The following ZNF827 variants were observed in gnomAD, a reference collection of about 807,000 sequenced individuals.
ZNF827 encodes zinc finger protein 827.
ZNF827 carries 13 observed loss-of-function variants against 102.4 expected under a neutral mutation model. That is an observed-to-expected ratio of 0.13 (90% CI 0.08 to 0.20). The LOEUF (loss-of-function observed/expected upper bound fraction) is 0.20. ZNF827 is among the 10% of genes least tolerant of loss of function. The pLI is 1.00. For synonymous variants in ZNF827, 523 were observed against 536.2 expected (o/e 0.98, Z 0.34); for missense variants, 1,103 against 1,344.4 (o/e 0.82, Z 2.81).
At chr4:145,779,645 T>A in intron 8 of ZNF827, 134 bp from the exon 9 acceptor site, 1 of 1,240,960 alleles carries the variant, frequency 8.1e-7, no homozygotes, top group Non-Finnish European at 1.1e-6. Flanking sequence ...TCTCCGTAAC[T>A]GGTTTTCCTG....
At chr4:145,883,778 C>A (rs1005070294) in intron 4 of ZNF827, among the ~76,000 whole-genome samples, 1 of 152,092 alleles carries the variant, frequency 6.6e-6, no homozygotes, top group Non-Finnish European at 1.5e-5. Context: ...CCTTTCTAAG[C>A]TATGTGATGT....
intron 5 of ZNF827, among the ~76,000 whole-genome samples, chr4:145,854,936 G>A (rs1746915228): frequency 6.6e-6 from 1 of 152,160 alleles, no homozygotes; most frequent in Non-Finnish European, 1.5e-5. Context: ...TCTCAGGGGA[G>A]TGCTTAGTTC....
At chr4:145,932,586 T>C (rs1461887917) in intron 1 of ZNF827, among the ~76,000 whole-genome samples, 1 of 152,028 alleles carries the variant, frequency 6.6e-6, no homozygotes, top group Non-Finnish European at 1.5e-5. Flanking sequence ...GCCATTCTCC[T>C]GCCTCAGCCT....
intron 5 of ZNF827, among the ~76,000 whole-genome samples, chr4:145,851,682 T>A (rs922391367): frequency 6.6e-6 from 1 of 152,172 alleles, no homozygotes; most frequent in African/African-American, 2.4e-5. Context: ...GTGTGGTATT[T>A]ACTTTAGATC....
chr4:145,845,604 C>A (rs1433361759), intron 7 of ZNF827, among the ~76,000 whole-genome samples: 3 of 152,104 alleles, frequency 2.0e-5, no homozygotes, highest in African/African-American at 7.2e-5. Flanking sequence ...AGACCCAGCC[C>A]CCAGTCCCAG....
chr4:145,870,733 T>C (rs1223139571), intron 4 of ZNF827: 1 of 374,166 alleles, frequency 2.7e-6, no homozygotes. Flanking sequence ...ACAAAGTTTC[T>C]GGGCATTTTC....
intron 8 of ZNF827, among the ~76,000 whole-genome samples, chr4:145,811,857 G>A (rs1437264227): frequency 1.3e-5 from 2 of 152,016 alleles, no homozygotes; most frequent in Non-Finnish European, 2.9e-5. Context: ...TGATAAAAAA[G>A]GTTCTTTAAA....
At chr4:145,813,925 T>C (rs1742305239) in intron 8 of ZNF827, among the ~76,000 whole-genome samples, 1 of 152,302 alleles carries the variant, frequency 6.6e-6, no homozygotes, top group South Asian at 2.1e-4. Flanking sequence ...GAGGGATCGA[T>C]GTAGAAGGAC....
At chr4:145,768,916 T>TATATATATAA (rs34051922) in intron 11 of ZNF827, among the ~76,000 whole-genome samples, 706 of 34,344 alleles carry the variant, frequency 0.021, 133 homozygotes, top group African/African-American at 0.037. Context: ...TATATATATA[T>TATATATATAA]TAGGTATACA....
chr4:145,914,449 C>T (rs1040176378), intron 1 of ZNF827, among the ~76,000 whole-genome samples: 2 of 152,196 alleles, frequency 1.3e-5, no homozygotes, highest in East Asian at 1.9e-4. Flanking sequence ...ATTTCAAGGA[C>T]AGCCCTAACT....
At chr4:145,932,420 A>G (rs1753875585) in intron 1 of ZNF827, among the ~76,000 whole-genome samples, 2 of 151,836 alleles carry the variant, frequency 1.3e-5, no homozygotes, top group Admixed American at 1.3e-4. Context: ...GGCACCATAC[A>G]TTTCCAATCC....
At chr4:145,895,777 G>A (rs778644667) in intron 2 of ZNF827, among the ~76,000 whole-genome samples, 9 of 151,948 alleles carry the variant, frequency 5.9e-5, no homozygotes, top group Non-Finnish European at 1.3e-4. Context: ...ATTCTATTTC[G>A]TATGCCAAAC....
chr4:145,895,982 A>T (rs1310249266), intron 2 of ZNF827, among the ~76,000 whole-genome samples: 2 of 152,240 alleles, frequency 1.3e-5, no homozygotes, highest in African/African-American at 4.8e-5. Flanking sequence ...CTGCAAACAC[A>T]ACTAAATTCC....
intron 7 of ZNF827, among the ~76,000 whole-genome samples, chr4:145,824,289 C>T (rs1743446900): frequency 6.6e-6 from 1 of 152,216 alleles, no homozygotes. Flanking sequence ...AACTCGGTCA[C>T]AGGGTCCATC....
chr4:145,839,483 C>G (rs2126605645), intron 7 of ZNF827: 1 of 152,380 alleles, frequency 6.6e-6, no homozygotes, highest in East Asian at 1.9e-4. Context: ...TTAGTCTTCT[C>G]TGCAGTGATG....
intron 7 of ZNF827, among the ~76,000 whole-genome samples, chr4:145,839,961 G>A (rs936477872): frequency 5.9e-5 from 9 of 152,306 alleles, no homozygotes; most frequent in African/African-American, 2.4e-5. Context: ...GAAGCATATC[G>A]TTCCAATATA....
intron 8 of ZNF827, 152 bp downstream of exon 8, chr4:145,823,270 T>C (rs138135091): frequency 1.3e-5 from 8 of 618,656 alleles, no homozygotes; most frequent in Non-Finnish European, 1.4e-5. Context: ...TAAACTTTTG[T>C]AGCTTAAATT....
chr4:145,860,863 A>G (rs186873670), intron 5 of ZNF827, among the ~76,000 whole-genome samples: 158 of 152,372 alleles, frequency 1.0e-3, no homozygotes, highest in Middle Eastern at 3.4e-3. Flanking sequence ...CCTAAAAGCC[A>G]TAAGAGAAAA....
chr4:145,912,978 G>T (rs1024616171), intron 1 of ZNF827, among the ~76,000 whole-genome samples: 1 of 152,198 alleles, frequency 6.6e-6, no homozygotes, highest in East Asian at 1.9e-4. Flanking sequence ...GCCTCAGTTT[G>T]TAATGTAGTT....
Sources: gnomAD v4.1 joint callset for allele counts (sites outside exome capture counted in the v4.1 genomes callset) on GRCh38, gnomAD v4.1.1 for gene constraint, MANE v1.5 for transcripts, NCBI Gene and HGNC (gene_info 2026-07-23, HGNC 2026-07-21) for gene names.